Variants in PGPEP1L observed in about 807,000 individuals in gnomAD.
PGPEP1L encodes pyroglutamyl-peptidase I like.
A neutral mutation model predicts 6.0 loss-of-function variants in PGPEP1L; 7 were observed. The observed-to-expected ratio is 1.17, with a 90% CI of 0.66 to 2.19. The LOEUF (loss-of-function observed/expected upper bound fraction) is 2.19. Among genes scored for constraint, PGPEP1L ranks in the 30% most tolerant of loss-of-function variants. The pLI is 0.00. For synonymous variants in PGPEP1L, 103 were observed against 83.9 expected (o/e 1.23, Z -1.24); for missense variants, 209 against 192.5 (o/e 1.09, Z -0.51).
At chr15:98,979,162 C>A (rs1038621492) in intron 2 of PGPEP1L, among the ~76,000 whole-genome samples, 4 of 151,968 alleles carry the variant, frequency 2.6e-5, no homozygotes, top group Non-Finnish European at 5.9e-5. Context: ...TGACAGAGTG[C>A]GTAACCCAGG....
rs368939218 is a variant in PGPEP1L at position 98,969,571 on chromosome 15, G to A, written c.63C>T (p.Asp21=). 7.1e-5 allele frequency: 114 copies of A among 1,613,778 alleles called. No individual in the cohort carries two copies. Among genetic ancestry groups the A allele is most frequent in the Admixed American group, 2.0e-4 (12 of 60,018 alleles). ...EQSGKNQGYR[D]ADIRSFWPEG... ...CGGGCCAGAAGCTGCGGATGTCGGC[G>A]TCCCGGTAGCCTTGGTTCTTGCCAG... is the stretch of plus-strand genomic sequence containing the variant. Residue 21 remains aspartate, a synonymous_variant, in exon 4 of 5, where the codon GAC becomes GAT. Transcript: ENST00000535714.
intron 2 of PGPEP1L, among the ~76,000 whole-genome samples, chr15:98,981,476 C>T (rs1265465437): frequency 1.6e-5 from 2 of 126,506 alleles, no homozygotes; most frequent in African/African-American, 2.9e-5. Context: ...GGCAACAGAG[C>T]AAGACTCCGT....
At chr15:98,985,304 C>A (rs1389507883) in intron 2 of PGPEP1L, among the ~76,000 whole-genome samples, 1 of 152,132 alleles carries the variant, frequency 6.6e-6, no homozygotes, top group African/African-American at 2.4e-5. Context: ...TTTGGGAGGC[C>A]AAGGCGGGAG....
At chr15:98,978,845 T>G (rs903341615) in intron 2 of PGPEP1L, among the ~76,000 whole-genome samples, 1 of 149,980 alleles carries the variant, frequency 6.7e-6, no homozygotes, top group African/African-American at 2.5e-5. Context: ...TTCTCCTGCC[T>G]CAGCCTCCCG....
At chr15:98,990,442 G>A (rs1314235219) in intron 2 of PGPEP1L, among the ~76,000 whole-genome samples, 1 of 152,162 alleles carries the variant, frequency 6.6e-6, no homozygotes, top group African/African-American at 2.4e-5. Context: ...ACCCAATATA[G>A]GAGCACCCAG....
intron 2 of PGPEP1L, among the ~76,000 whole-genome samples, chr15:98,977,003 C>CAAA (rs11385185): frequency 1.2e-3 from 156 of 128,948 alleles, no homozygotes; most frequent in African/African-American, 3.6e-3. Context: ...AGTAAAATGG[C>CAAA]AAAAAAAAAA....
intron 2 of PGPEP1L, among the ~76,000 whole-genome samples, chr15:98,978,656 G>T (rs1211102600): frequency 6.7e-6 from 1 of 149,534 alleles, no homozygotes. Context: ...TAACCTGCCT[G>T]ATTTCCAGGG....
chr15:99,006,022 AATATGTG>A (rs2018052835), intron 1 of PGPEP1L, among the ~76,000 whole-genome samples: 1 of 152,168 alleles, frequency 6.6e-6, no homozygotes, highest in Non-Finnish European at 1.5e-5. Context: ...AATTCCACAA[AATATGTG>A]AGATGTGAGC....
chr15:98,990,060 G>A (rs527683705), intron 2 of PGPEP1L, among the ~76,000 whole-genome samples: 1 of 152,142 alleles, frequency 6.6e-6, no homozygotes, highest in Non-Finnish European at 1.5e-5. Flanking sequence ...ATGATATGAA[G>A]AAACTGCATC....
intron 2 of PGPEP1L, among the ~76,000 whole-genome samples, chr15:98,984,360 A>C (rs189890499): frequency 3.3e-5 from 5 of 152,258 alleles, no homozygotes; most frequent in Admixed American, 2.6e-4. Flanking sequence ...GATATTGATA[A>C]AATTGACTCT....
At chr15:99,006,130 C>G (rs1343446535) in intron 1 of PGPEP1L, among the ~76,000 whole-genome samples, 1 of 152,192 alleles carries the variant, frequency 6.6e-6, no homozygotes, top group East Asian at 1.9e-4. Context: ...AGCTGTGGGT[C>G]CTCAGGGAAG....
chr15:99,007,027 C>T (rs1292590899), intron 1 of PGPEP1L, among the ~76,000 whole-genome samples: 1 of 152,136 alleles, frequency 6.6e-6, no homozygotes, highest in Non-Finnish European at 1.5e-5. Context: ...ATATAAAGCG[C>T]TCCCTTTTAA....
chr15:98,984,056 G>A (rs975466271), intron 2 of PGPEP1L, among the ~76,000 whole-genome samples: 7 of 127,430 alleles, frequency 5.5e-5, no homozygotes, highest in African/African-American at 1.9e-4. Flanking sequence ...TCACTCTGTC[G>A]CCCAGGCTGG....
At chr15:99,007,003 G>A (rs1386174367) in intron 1 of PGPEP1L, among the ~76,000 whole-genome samples, 8 of 152,148 alleles carry the variant, frequency 5.3e-5, no homozygotes, top group East Asian at 1.9e-4. Context: ...TCCATCTGCT[G>A]AATTGTCCTC....
intron 2 of PGPEP1L, among the ~76,000 whole-genome samples, chr15:99,005,223 C>T (rs68056358): frequency 0.057 from 8,643 of 152,294 alleles, 359 homozygotes; most frequent in African/African-American, 0.12. Context: ...GAATGAGCCA[C>T]AGAAGCAGAA....
chr15:99,002,787 G>T (rs1336603678), intron 2 of PGPEP1L, among the ~76,000 whole-genome samples: 1 of 152,014 alleles, frequency 6.6e-6, no homozygotes, highest in Non-Finnish European at 1.5e-5. Context: ...CTTTATCCCG[G>T]AGTACAGCTG....
intron 2 of PGPEP1L, among the ~76,000 whole-genome samples, chr15:99,002,196 A>C (rs2017982033): frequency 6.6e-6 from 1 of 151,930 alleles, no homozygotes; most frequent in East Asian, 1.9e-4. Flanking sequence ...TATTTTTGCC[A>C]GGTTTCCCAG....
chr15:98,973,259 T>C (rs1406317602), intron 2 of PGPEP1L, among the ~76,000 whole-genome samples: 1 of 152,122 alleles, frequency 6.6e-6, no homozygotes, highest in African/African-American at 2.4e-5. Context: ...CAACCAATAA[T>C]AGCAGGAAAC....
rs1432361165 is a variant in PGPEP1L at position 98,978,702 on chromosome 15, C to CTG, written c.-141-7546_-141-7545dup. On this transcript the variant is annotated intron_variant, in intron 2 of 4. Transcript: ENST00000535714. Reference sequence around the variant, plus strand: ...TTGTGTCTTTTTCTCTAGCATTAGACTGTGTATATATATATATATATATAT... The same window carrying CTG: ...TTGTGTCTTTTTCTCTAGCATTAGACTGTGTGTATATATATATATATATATAT... Among the ~76,000 whole-genome samples, 378 of 131,544 alleles carry CTG rather than the reference C, an allele frequency of 2.9e-3. 1 individual carries two copies. The highest frequency in any genetic ancestry group is 9.9e-3 in the South Asian group (39 of 3,940). 86.3% of individuals were successfully genotyped at this position (131,544 alleles called of 152,430 possible).
Sources: gnomAD v4.1 joint callset for allele counts (sites outside exome capture counted in the v4.1 genomes callset) on GRCh38, gnomAD v4.1.1 for gene constraint, MANE v1.5 for transcripts, NCBI Gene and HGNC (gene_info 2026-07-23, HGNC 2026-07-21) for gene names.